Variants in CDH4 observed in about 807,000 individuals in gnomAD.
CDH4 encodes cadherin-4.
Under a neutral mutation model 86.0 loss-of-function variants are expected in CDH4, and 33 were observed. The observed-to-expected ratio is 0.38, with a 90% CI of 0.29 to 0.51. CDH4 has a LOEUF of 0.51. Among genes scored for constraint, CDH4 ranks in the 20% least tolerant of loss-of-function variants. The pLI, the probability that CDH4 is intolerant of heterozygous loss-of-function variation, is 0.86. For synonymous variants in CDH4, 555 were observed against 549.4 expected, an observed-to-expected ratio of 1.01 and a Z score of -0.14; for missense variants, 1,114 against 1,307.4, an observed-to-expected ratio of 0.85 and a Z score of 2.28.
chr20:61,794,154 A>AAAG (rs976025257), intron 4 of CDH4, among the ~76,000 whole-genome samples: 2 of 151,420 alleles, frequency 1.3e-5, no homozygotes, highest in African/African-American at 4.9e-5. Flanking sequence ...AAAAAAAAAA[A>AAAG]AAAGAATGAG....
intron 8 of CDH4, among the ~76,000 whole-genome samples, chr20:61,904,975 C>A (rs946585838): frequency 2.6e-5 from 4 of 152,234 alleles, no homozygotes; most frequent in Non-Finnish European, 5.9e-5. Flanking sequence ...TGGTGACCTT[C>A]CCCTGAGAAG....
intron 7 of CDH4, among the ~76,000 whole-genome samples, chr20:61,893,061 A>C (rs1568870907): frequency 7.2e-6 from 1 of 139,682 alleles, no homozygotes; most frequent in Admixed American, 7.2e-5. Flanking sequence ...GAATAGAGAG[A>C]TAGATGGATG....
chr20:61,442,636 G>A (rs1012302595), intron 2 of CDH4, among the ~76,000 whole-genome samples: 20 of 152,352 alleles, frequency 1.3e-4, no homozygotes, highest in South Asian at 2.1e-4. Flanking sequence ...GCAAAACGTG[G>A]GGTGCTTGCC....
chr20:61,391,900 T>C lies in CDH4; in HGVS notation c.169+136963T>C, dbSNP rs982002457. Among the ~76,000 whole-genome samples the C allele has an allele frequency of 2.0e-5, 3 of 152,008 alleles. No homozygotes were observed. The South Asian group carries it at 6.3e-4, about 32-fold the overall frequency. On this transcript the variant is annotated intron_variant, in intron 2 of 15. Coordinates refer to ENST00000614565, the MANE Select transcript of CDH4 (RefSeq NM_001794.5). The stretch of plus-strand genomic sequence containing the variant: ...AGCAGCTCCGGGGCCTGCAGGGCTC[T>C]GGGATTTTTTTCTGCCAGGTACACT...
At chr20:61,747,236 T>C (rs1030027062) in intron 3 of CDH4, among the ~76,000 whole-genome samples, 1 of 151,904 alleles carries the variant, frequency 6.6e-6, no homozygotes. Context: ...GGTTAGGAGA[T>C]CGAGACCATC....
intron 4 of CDH4, among the ~76,000 whole-genome samples, chr20:61,808,725 G>A (rs575981847): frequency 9.8e-5 from 15 of 152,342 alleles, no homozygotes; most frequent in African/African-American, 1.9e-4. Context: ...CGTCCAACCC[G>A]CGTTCCTGCA....
chr20:61,872,343 G>A (rs192503602), intron 6 of CDH4, among the ~76,000 whole-genome samples: 32 of 152,326 alleles, frequency 2.1e-4, no homozygotes, highest in African/African-American at 4.3e-4. Context: ...GGGCCAGGAC[G>A]GGGCTTTGGG....
chr20:61,907,452 C>G (rs1272693182), intron 8 of CDH4, among the ~76,000 whole-genome samples: 1 of 152,194 alleles, frequency 6.6e-6, no homozygotes, highest in Non-Finnish European at 1.5e-5. Context: ...CTGTACCTCA[C>G]TCTCAGGCAT....
chr20:61,408,540 C>T (rs1429410349), intron 2 of CDH4, among the ~76,000 whole-genome samples: 1 of 152,158 alleles, frequency 6.6e-6, no homozygotes, highest in Non-Finnish European at 1.5e-5. Context: ...AAGCTACCCT[C>T]CTCCAGATGT....
chr20:61,935,386 C>T (rs1488858102), intron 15 of CDH4, among the ~76,000 whole-genome samples: 9 of 152,240 alleles, frequency 5.9e-5, no homozygotes, highest in African/African-American at 9.6e-5. Context: ...GACAACATGA[C>T]GCTTACCGTC....
chr20:61,515,194 G>A lies in CDH4; in HGVS notation c.170-228369G>A, dbSNP rs566576095. ...TAACATCTGTGGGTGGCCCAGCACC[G>A]GCAGGCCCTGCTGCTGTCCATCACC... On this transcript the variant is annotated intron_variant, in intron 2 of 15. Coordinates refer to ENST00000614565, the MANE Select transcript of CDH4 (RefSeq NM_001794.5). 1.8e-3 allele frequency among the ~76,000 whole-genome samples: 278 copies of A among 152,356 alleles called. 1 individual carries two copies. The highest frequency in any genetic ancestry group is 3.3e-3 in the Non-Finnish European group (222 of 68,032).
chr20:61,635,017 C>A (rs2086932186), intron 2 of CDH4, among the ~76,000 whole-genome samples: 1 of 152,186 alleles, frequency 6.6e-6, no homozygotes, highest in South Asian at 2.1e-4. Flanking sequence ...GTAGAGGCGG[C>A]ACTTTGCTTT....
intron 2 of CDH4, among the ~76,000 whole-genome samples, chr20:61,669,128 G>A (rs1210989296): frequency 6.6e-6 from 1 of 152,236 alleles, no homozygotes; most frequent in Non-Finnish European, 1.5e-5. Flanking sequence ...GTAAGTTAAG[G>A]AGCGGGCATG....
rs1308525639 is a variant in CDH4 at position 61,393,344 on chromosome 20, G to GT, written c.169+138407_169+138408insT. On this transcript the variant is annotated intron_variant, in intron 2 of 15. Coordinates refer to ENST00000614565, the MANE Select transcript of CDH4 (RefSeq NM_001794.5). This position sits in a 1 kb window ranked among gnomAD's most constrained non-coding sequence, Gnocchi z 4.3. Reference sequence around the variant, plus strand: ...CCAGTGGTGTGGGGGACAGCAGCCGGGGGGGGCCGGGGTCTTCCTTACCTC... The same window carrying GT: ...CCAGTGGTGTGGGGGACAGCAGCCGGTGGGGGGCCGGGGTCTTCCTTACCTC... Among the ~76,000 whole-genome samples, 2 of 151,828 alleles carry GT rather than the reference G, an allele frequency of 1.3e-5. 1 individual carries two copies. The highest frequency in any genetic ancestry group is 1.3e-4 in the Admixed American group (2 of 15,266).
chr20:61,782,514 TTTTTC>T (rs983281778), intron 4 of CDH4, among the ~76,000 whole-genome samples: 29 of 152,312 alleles, frequency 1.9e-4, no homozygotes, highest in African/African-American at 5.5e-4. Flanking sequence ...AAGATTATCA[TTTTTC>T]TTTTAATTTC....
chr20:61,702,347 G>C (rs1434840887), intron 2 of CDH4, among the ~76,000 whole-genome samples: 1 of 152,208 alleles, frequency 6.6e-6, no homozygotes, highest in Admixed American at 6.5e-5. Context: ...ACCGAACAAA[G>C]GTGTGTGCAG....
chr20:61,728,016 T>G (rs181387855), intron 2 of CDH4, among the ~76,000 whole-genome samples: 35 of 152,336 alleles, frequency 2.3e-4, no homozygotes, highest in African/African-American at 8.4e-4. Flanking sequence ...CACCTGCGCC[T>G]CTTCATTATG....
chr20:61,329,996 G>A (rs887101132), intron 2 of CDH4, among the ~76,000 whole-genome samples: 4 of 151,998 alleles, frequency 2.6e-5, no homozygotes, highest in African/African-American at 9.7e-5. Flanking sequence ...CTCCATCCAT[G>A]TCCCTGCAAA....
intron 2 of CDH4, among the ~76,000 whole-genome samples, chr20:61,391,072 T>G (rs183658553): frequency 4.5e-4 from 68 of 152,160 alleles, no homozygotes; most frequent in African/African-American, 1.6e-3. Context: ...CCTGTCTGCT[T>G]CTTTTTGTCC....
Sources: allele counts gnomAD v4.1 joint callset (sites outside exome capture counted in the v4.1 genomes callset), GRCh38; gene constraint gnomAD v4.1.1; non-coding constraint Gnocchi (gnomAD v3.1); transcripts MANE v1.5; gene names NCBI Gene and HGNC (gene_info 2026-07-23, HGNC 2026-07-21).